Variants in ERO1B observed in about 807,000 individuals in gnomAD.
ERO1B encodes the protein ERO1-like protein beta.
In ERO1B, 49 loss-of-function variants were observed where a neutral mutation model predicts 75.3. The observed-to-expected ratio is 0.65, with a 90% CI of 0.52 to 0.83. ERO1B has a LOEUF of 0.83. ERO1B is among the 40% of genes least tolerant of loss of function. ERO1B has a pLI of 0.00. For missense variants in ERO1B, 512 were observed against 560.1 expected (o/e 0.91, Z 0.87); for synonymous variants, 191 against 192.9 (o/e 0.99, Z 0.08).
chr1:236,275,232 G>A (rs1665685111), intron 1 of ERO1B, among the ~76,000 whole-genome samples: 1 of 152,116 alleles, frequency 6.6e-6, no homozygotes, highest in Admixed American at 6.5e-5. Flanking sequence ...CAAATTAAGG[G>A]CTGAGTCCCA....
intron 15 of ERO1B, 86 bp downstream of exon 15, chr1:236,220,746 C>A (rs1257943851): frequency 2.2e-6 from 3 of 1,355,232 alleles, no homozygotes; most frequent in Non-Finnish European, 2.9e-6. Context: ...ACAAAACAAA[C>A]CCTACTTTTA....
chr1:236,257,501 A>T (rs772774997), intron 2 of ERO1B, among the ~76,000 whole-genome samples: 15 of 151,004 alleles, frequency 9.9e-5, no homozygotes, highest in Non-Finnish European at 2.1e-4. Flanking sequence ...CCTAAACAGA[A>T]GGGACAGCAT....
At chr1:236,240,014 C>A (rs1184820072) in intron 6 of ERO1B, among the ~76,000 whole-genome samples, 1 of 150,252 alleles carries the variant, frequency 6.7e-6, no homozygotes, top group African/African-American at 2.4e-5. Context: ...AAGCAATTCT[C>A]CTGCCTCAGC....
intron 6 of ERO1B, among the ~76,000 whole-genome samples, chr1:236,240,197 G>T (rs774356589): frequency 6.6e-5 from 10 of 152,020 alleles, no homozygotes; most frequent in Non-Finnish European, 1.2e-4. Flanking sequence ...GGGCCACCGT[G>T]CCTGGCCTTA....
At chr1:236,222,943 C>T (rs551616067) in intron 13 of ERO1B, among the ~76,000 whole-genome samples, 27 of 152,092 alleles carry the variant, frequency 1.8e-4, no homozygotes, top group African/African-American at 4.8e-5. Flanking sequence ...GGGTGGCTCA[C>T]GCCTGTAATC....
Position 236,281,838 on chromosome 1 carries a change from G to A in ERO1B, c.-55C>T, listed in dbSNP as rs1171236150. On this transcript the variant is annotated 5_prime_UTR_variant, in exon 1 of 16. Transcript: ENST00000354619. ...GGACCCCTCGGGGCCGGGGAACGACGGGCGGCCCAGGCGACGACCCAAGGG... is the reference window on the plus strand; with the variant it reads ...GGACCCCTCGGGGCCGGGGAACGACAGGCGGCCCAGGCGACGACCCAAGGG... 9.3e-6 allele frequency: 12 copies of A among 1,294,000 alleles called. No homozygotes were observed. In the Admixed American group the frequency reaches 9.4e-5, roughly 10 times the overall value. 80.2% of individuals were successfully genotyped at this position (1,294,000 alleles called of 1,614,324 possible). A position where few individuals can be genotyped will look rare whatever the true frequency, so the allele number is the denominator to read the frequency against.
In ERO1B at chr1:236,252,040, A is replaced by G. The variant is rs987800663; in HGVS notation, c.348+10T>C. 6.3e-7 allele frequency: 1 copy of G among 1,582,014 alleles called. No individual in the cohort carries two copies. Among genetic ancestry groups the G allele is most frequent in the Non-Finnish European group, 8.6e-7 (1 of 1,156,874 alleles). ...AAAGCAGAAACACTCAAGGAAGAGG[A>G]GGGACTTACCTTATTAGAATGCCCA... On this transcript the variant is annotated intron_variant, in intron 4 of 15. Transcript: ENST00000354619.
At position 236,247,906 on chromosome 1, in the gene ERO1B, A is replaced by C. The variant is rs141170024; in HGVS notation, c.431+1979T>G. 4.8e-5 allele frequency among the ~76,000 whole-genome samples: 7 copies of C among 145,530 alleles called. No individual in the cohort carries two copies. In the Admixed American group the frequency reaches 4.9e-4, roughly 10 times the overall value. ...ACTCATGCCTTCACCTTCTTCGGCAATTTGTTCAAATGTTGTATTATCTTC... is the reference window on the plus strand; with the variant it reads ...ACTCATGCCTTCACCTTCTTCGGCACTTTGTTCAAATGTTGTATTATCTTC... On this transcript the variant is annotated intron_variant, in intron 5 of 15. Transcript: ENST00000354619.
At chr1:236,231,569 A>G (rs1664408842) in intron 9 of ERO1B, among the ~76,000 whole-genome samples, 1 of 151,784 alleles carries the variant, frequency 6.6e-6, no homozygotes, top group African/African-American at 2.4e-5. Context: ...AGAGAAAGAA[A>G]AGAGAGCAGT....
In ERO1B at chr1:236,236,399, C is replaced by G. The variant is rs1664548450; in HGVS notation, c.506-1G>C. On this transcript the variant is annotated splice_acceptor_variant, in intron 6 of 15. Coordinates refer to ENST00000354619, the MANE Select transcript of ERO1B (RefSeq NM_019891.4). LOFTEE classifies it high-confidence loss of function. ...TACTGAGCAGCTGGAGATCTCTCAT[C>G]TGAACAAGAAAAAATTCATAAAAAC... is the stretch of plus-strand genomic sequence containing the variant. The G allele has an allele frequency of 6.2e-7, 1 of 1,613,192 alleles. No individual in the cohort carries two copies. Among genetic ancestry groups the G allele is most frequent in the African/African-American group, 1.3e-5 (1 of 74,896 alleles).
At chr1:236,250,572 CATATATATATATAT>C (rs1171832762) in intron 4 of ERO1B, among the ~76,000 whole-genome samples, 1,696 of 86,362 alleles carry the variant, frequency 0.02, 59 homozygotes, top group African/African-American at 0.065. Context: ...TAAATTTGAC[CATATATATATATAT>C]ATATATATAT....
At chr1:236,274,370 A>C (rs1236339532) in intron 1 of ERO1B, among the ~76,000 whole-genome samples, 2 of 152,174 alleles carry the variant, frequency 1.3e-5, no homozygotes, top group African/African-American at 4.8e-5. Context: ...TCTTATTTGC[A>C]CTAAGAAGGT....
chr1:236,270,012 TA>T lies in ERO1B; in HGVS notation c.103-19del. 1 of 1,521,224 alleles carries T rather than the reference TA, an allele frequency of 6.6e-7. No homozygotes were observed. Among genetic ancestry groups the T allele is most frequent in the Non-Finnish European group, 9.0e-7 (1 of 1,114,966 alleles). The allele number at this position is 1,521,224 out of a possible 1,614,324, so 94.2% of individuals were successfully genotyped here. A position where few individuals can be genotyped will look rare whatever the true frequency, so the allele number is the denominator to read the frequency against. The stretch of plus-strand genomic sequence containing the variant: ...CCAGTGACCTAGAATTTATATAATT[TA>T]AAATATGTAAACTACTGATGTTTCA... On this transcript the variant is annotated intron_variant, in intron 1 of 15. Transcript: ENST00000354619.
Position 236,218,137 on chromosome 1 carries a change from T to A in ERO1B, c.*379A>T, listed in dbSNP as rs1217915064. 1 of 152,514 alleles carries A rather than the reference T, an allele frequency of 6.6e-6. No homozygotes were observed. Among genetic ancestry groups the A allele is most frequent in the African/African-American group, 2.4e-5 (1 of 41,442 alleles). The allele number at this position is 152,514 out of a possible 1,614,324, so 9.4% of individuals were successfully genotyped here. A position where few individuals can be genotyped will look rare whatever the true frequency, so the allele number is the denominator to read the frequency against. On this transcript the variant is annotated 3_prime_UTR_variant, in exon 16 of 16. Transcript: ENST00000354619. ...CTGAGCAACATTTGTTCCCTAGTTC[T>A]CCTTTTCCATAACAGACTGAACAGT...
At chr1:236,241,170 T>C (rs1664689365) in intron 6 of ERO1B, among the ~76,000 whole-genome samples, 1 of 152,246 alleles carries the variant, frequency 6.6e-6, no homozygotes, top group Admixed American at 6.5e-5. Flanking sequence ...ATATTCTTTA[T>C]ATTTTTGTTT....
intron 5 of ERO1B, among the ~76,000 whole-genome samples, chr1:236,248,969 A>C (rs924253247): frequency 1.3e-5 from 2 of 152,164 alleles, no homozygotes; most frequent in Non-Finnish European, 2.9e-5. Context: ...GTCTTCAATA[A>C]ATAAAATTGC....
Position 236,218,530 on chromosome 1 carries a change from G to A in ERO1B, c.1390C>T (p.Gln464Ter). ...RDLQNFKVLLQHSR is the reference protein window; with the variant it reads ...RDLQNFKVLL ...AAAAGCCTTTATTACCTACTGTGTT[G>A]TAATAAGACTTTAAAATTCTGTAAG... Residue 464 changes from glutamine (Q) to a stop codon, truncating the protein, a stop_gained, in exon 16 of 16, where the codon CAA (glutamine) becomes TAA (stop). Transcript: ENST00000354619. LOFTEE classifies it high-confidence loss of function. 7.1e-7 allele frequency: 1 copy of A among 1,416,280 alleles called. No homozygotes were observed. The allele number at this position is 1,416,280 out of a possible 1,614,324, so 87.7% of individuals were successfully genotyped here.
chr1:236,279,706 G>A (rs113694036), intron 1 of ERO1B, among the ~76,000 whole-genome samples: 1,579 of 151,070 alleles, frequency 0.01, 12 homozygotes, highest in Non-Finnish European at 0.016. Flanking sequence ...TTAGCCAGGC[G>A]CGGTGGCAAG....
Position 236,252,111 on chromosome 1 carries a change from C to CA in ERO1B, c.307-21dup, listed in dbSNP as rs759286634. The CA allele has an allele frequency of 5.2e-6, 8 of 1,549,858 alleles. No homozygotes were observed. The highest frequency in any genetic ancestry group is 4.6e-5 in the East Asian group (2 of 43,952). On this transcript the variant is annotated intron_variant, in intron 3 of 15. Coordinates refer to ENST00000354619, the MANE Select transcript of ERO1B (RefSeq NM_019891.4). ...TTTACTCTTAAAAAAACAAGAAAAG[C>CA]AAAAAAATTTTTAAGTGATCTTTAT...
Sources: allele counts gnomAD v4.1 joint callset (sites outside exome capture counted in the v4.1 genomes callset), GRCh38; gene constraint gnomAD v4.1.1; transcripts MANE v1.5; gene names NCBI Gene and HGNC (gene_info 2026-07-23, HGNC 2026-07-21).